SMIM14: variants seen among roughly 807,000 people sequenced by gnomAD.
SMIM14 encodes the protein chromosome 4 open reading frame 34.
In SMIM14, 5 loss-of-function variants were observed where a neutral mutation model predicts 12.6. The observed-to-expected ratio is 0.40, with a 90% CI of 0.21 to 0.83. SMIM14 has a LOEUF of 0.83. SMIM14 is among the 40% of genes least tolerant of loss of function. The probability of loss-of-function intolerance (pLI) is 0.37; values close to 1 mark genes in which losing one functional copy is unlikely to be tolerated. For synonymous variants in SMIM14, 30 were observed against 40.1 expected (o/e 0.75, Z 0.95); for missense variants, 86 against 119.1 (o/e 0.72, Z 1.29).
chr4:39,552,752 T>C (rs1041038139), intron 4 of SMIM14, among the ~76,000 whole-genome samples: 1 of 152,196 alleles, frequency 6.6e-6, no homozygotes, highest in African/African-American at 2.4e-5. Context: ...TGAATTTTTT[T>C]GACGTGTAAA....
chr4:39,619,180 T>C (rs1715341504), intron 1 of SMIM14, among the ~76,000 whole-genome samples: 1 of 147,414 alleles, frequency 6.8e-6, no homozygotes, highest in African/African-American at 2.5e-5. Context: ...TATATACCAA[T>C]AAATATAATT....
intron 2 of SMIM14, among the ~76,000 whole-genome samples, chr4:39,596,733 C>T (rs935504619): frequency 6.6e-6 from 1 of 152,166 alleles, no homozygotes; most frequent in African/African-American, 2.4e-5. Flanking sequence ...TTATGGCACT[C>T]ACTAGCACTT....
chr4:39,554,293 C>T (rs943632354), intron 4 of SMIM14, among the ~76,000 whole-genome samples: 11 of 151,642 alleles, frequency 7.3e-5, no homozygotes, highest in African/African-American at 1.7e-4. Context: ...GCCAACGTGG[C>T]GAAACCCTGT....
chr4:39,626,581 A>T (rs368615682), intron 1 of SMIM14, among the ~76,000 whole-genome samples: 2 of 152,234 alleles, frequency 1.3e-5, no homozygotes, highest in African/African-American at 4.8e-5. Context: ...AGAGGAGGAT[A>T]CAGAAGAAAC....
chr4:39,604,993 A>G (rs1362634653), intron 2 of SMIM14, 78 bp downstream of exon 2: 2 of 877,506 alleles, frequency 2.3e-6, no homozygotes, highest in Non-Finnish European at 1.8e-6. Flanking sequence ...AAAACCCTCC[A>G]ATAACCAGTA....
rs1712137451 is a variant in SMIM14, at chr4:39,558,769, T to C, written c.125-2199A>G. Among the ~76,000 whole-genome samples, 1 of 152,080 alleles carries C rather than the reference T, an allele frequency of 6.6e-6. No individual in the cohort carries two copies. The highest frequency in any genetic ancestry group is 6.5e-5 in the Admixed American group (1 of 15,278). On this transcript the variant is annotated intron_variant, in intron 3 of 4. Transcript: ENST00000295958. This position sits in a 1 kb window ranked among gnomAD's most constrained non-coding sequence, Gnocchi z 4.3. Reference sequence around the variant, plus strand: ...CCCTGTCGTCCAAGCTGGAATACAATGGCATGTCAGCTCACTGCAACCTCC... The same window carrying C: ...CCCTGTCGTCCAAGCTGGAATACAACGGCATGTCAGCTCACTGCAACCTCC...
chr4:39,636,758 T>C (rs1009479443), intron 1 of SMIM14, among the ~76,000 whole-genome samples: 1 of 152,152 alleles, frequency 6.6e-6, no homozygotes, highest in Non-Finnish European at 1.5e-5. Context: ...ACCCTATATA[T>C]GGACTGTTTT....
intron 1 of SMIM14, among the ~76,000 whole-genome samples, chr4:39,616,867 T>G (rs1460836892): frequency 6.6e-6 from 1 of 152,084 alleles, no homozygotes; most frequent in African/African-American, 2.4e-5. Context: ...GATATTCATT[T>G]CCCTCCTAAG....
At chr4:39,624,733 A>C (rs28658013) in intron 1 of SMIM14, among the ~76,000 whole-genome samples, 1,558 of 150,094 alleles carry the variant, frequency 0.01, 20 homozygotes, top group African/African-American at 0.036. Context: ...CTGAGGCAGA[A>C]GAATTGCTTG....
intron 1 of SMIM14, among the ~76,000 whole-genome samples, chr4:39,614,199 A>G (rs1329514505): frequency 2.0e-5 from 3 of 151,788 alleles, no homozygotes; most frequent in Non-Finnish European, 2.9e-5. Context: ...AAAAAAAAAA[A>G]AAAAGAAAAT....
At chr4:39,591,282 T>C (rs929504505) in intron 2 of SMIM14, among the ~76,000 whole-genome samples, 1 of 151,968 alleles carries the variant, frequency 6.6e-6, no homozygotes, top group Non-Finnish European at 1.5e-5. Context: ...GCCAACTGTA[T>C]TAGATTAGGA....
intron 2 of SMIM14, among the ~76,000 whole-genome samples, chr4:39,578,478 A>G (rs1268173985): frequency 6.6e-6 from 1 of 152,212 alleles, no homozygotes; most frequent in African/African-American, 2.4e-5. Context: ...AGAAAAACCA[A>G]AGATAATACC....
At chr4:39,586,144 T>G (rs568518521) in intron 2 of SMIM14, among the ~76,000 whole-genome samples, 2 of 152,210 alleles carry the variant, frequency 1.3e-5, no homozygotes, top group Non-Finnish European at 2.9e-5. Context: ...CTACCATACC[T>G]TTAGTGTTCT....
chr4:39,559,749 A>G (rs1278526368), intron 3 of SMIM14, among the ~76,000 whole-genome samples: 1 of 152,112 alleles, frequency 6.6e-6, no homozygotes, highest in Admixed American at 6.5e-5. Context: ...TATATATTAA[A>G]AAGAGCTGAG....
Position 39,556,436 on chromosome 4 carries a change from G to T in SMIM14, c.259C>A (p.Pro87Thr), listed in dbSNP as rs770811817. 2 of 1,611,848 alleles carry T rather than the reference G, an allele frequency of 1.2e-6. No homozygotes were observed. The highest frequency in any genetic ancestry group is 1.7e-5 in the Admixed American group (1 of 59,324). ...AAATCTGCAACACTTACATTATGAG[G>T]ACTGGTTGGCTTTCCAGGTAGGCTG... ...GSSLPGKPTSPHNGQDPPAPP... is the reference protein window; with the variant it reads ...GSSLPGKPTSTHNGQDPPAPP... Residue 87 changes from proline to threonine, a missense_variant, in exon 4 of 5, where the codon CCT becomes ACT. Pro to Thr is a conservative substitution (Grantham distance 38). Transcript: ENST00000295958.
At chr4:39,570,781 C>G (rs1712841018) in intron 3 of SMIM14, among the ~76,000 whole-genome samples, 1 of 152,026 alleles carries the variant, frequency 6.6e-6, no homozygotes, top group African/African-American at 2.4e-5. Context: ...CTCAGCCTCC[C>G]AAGTAGCCGG....
chr4:39,629,500 T>C (rs1250002105), intron 1 of SMIM14, among the ~76,000 whole-genome samples: 1 of 148,168 alleles, frequency 6.7e-6, no homozygotes, highest in Non-Finnish European at 1.5e-5. Flanking sequence ...TGTAGTGCAG[T>C]GGTGTAATCA....
In SMIM14 at chr4:39,552,176, T is replaced by G. The variant is rs532228895; in HGVS notation, c.268-18A>C. The G allele has an allele frequency of 5.1e-6, 8 of 1,562,064 alleles. No individual in the cohort carries two copies. The highest frequency in any genetic ancestry group is 2.8e-5 in the African/African-American group (2 of 72,454). Reference sequence around the variant, plus strand: ...TCTTGTCCCTGGCATTAGAAAGAAATAAATTATTTAATTGACTTTTTAAAA... The same window carrying G: ...TCTTGTCCCTGGCATTAGAAAGAAAGAAATTATTTAATTGACTTTTTAAAA... On this transcript the variant is annotated intron_variant, in intron 4 of 4. Coordinates refer to ENST00000295958, the MANE Select transcript of SMIM14 (RefSeq NM_174921.3).
At chr4:39,602,200 G>A (rs1194440710) in intron 2 of SMIM14, among the ~76,000 whole-genome samples, 1 of 150,744 alleles carries the variant, frequency 6.6e-6, no homozygotes, top group Non-Finnish European at 1.5e-5. Context: ...AGTGCGCAGA[G>A]ATCGTGCCAC....
Sources: allele counts gnomAD v4.1 joint callset (sites outside exome capture counted in the v4.1 genomes callset), GRCh38; gene constraint gnomAD v4.1.1; non-coding constraint Gnocchi (gnomAD v3.1); transcripts MANE v1.5; gene names NCBI Gene and HGNC (gene_info 2026-07-23, HGNC 2026-07-21).